CDH4: variants seen among roughly 807,000 people sequenced by gnomAD.
CDH4 encodes cadherin 4, also known as cadherin-4.
CDH4 carries 33 observed loss-of-function variants against 86.0 expected under a neutral mutation model. The ratio of observed to expected loss-of-function variants is 0.38; its 90% confidence interval spans 0.29 to 0.51. CDH4 has a LOEUF of 0.51. CDH4 is among the 20% of genes least tolerant of loss of function. The pLI is 0.86. For synonymous variants in CDH4, 555 were observed against 549.4 expected (o/e 1.01, Z -0.14); for missense variants, 1,114 against 1,307.4 (o/e 0.85, Z 2.28).
chr20:61,779,937 T>C (rs1042470874), intron 4 of CDH4, among the ~76,000 whole-genome samples: 3 of 152,194 alleles, frequency 2.0e-5, no homozygotes, highest in Admixed American at 6.5e-5. Flanking sequence ...AACTTAGCAG[T>C]ATAATTAGCA....
chr20:61,661,274 C>T (rs2087254564), intron 2 of CDH4, among the ~76,000 whole-genome samples: 2 of 152,202 alleles, frequency 1.3e-5, no homozygotes. Flanking sequence ...ACCAGGCCAC[C>T]TCTGCAGGGC....
intron 2 of CDH4, among the ~76,000 whole-genome samples, chr20:61,662,821 C>T (rs2087275185): frequency 6.6e-6 from 1 of 152,188 alleles, no homozygotes; most frequent in Non-Finnish European, 1.5e-5. Flanking sequence ...CCCAGGGAGG[C>T]TCACACAGTG....
intron 2 of CDH4, among the ~76,000 whole-genome samples, chr20:61,667,947 C>T (rs1421761801): frequency 1.3e-5 from 2 of 152,204 alleles, no homozygotes; most frequent in African/African-American, 4.8e-5. Flanking sequence ...GTCAGGAGGG[C>T]AGCCAGGGAG....
At chr20:61,723,548 C>T (rs967214245) in intron 2 of CDH4, among the ~76,000 whole-genome samples, 1 of 152,222 alleles carries the variant, frequency 6.6e-6, no homozygotes, top group African/African-American at 2.4e-5. Flanking sequence ...AGCTTCCATC[C>T]TCACTTTACA....
intron 2 of CDH4, among the ~76,000 whole-genome samples, chr20:61,381,205 G>A (rs6061581): frequency 0.25 from 37,438 of 152,026 alleles, 4,998 homozygotes; most frequent in African/African-American, 0.34. Context: ...AAGCTGTCAA[G>A]TGTCCTGCCT....
At chr20:61,308,601 G>A (rs2084429536) in intron 2 of CDH4, among the ~76,000 whole-genome samples, 1 of 152,204 alleles carries the variant, frequency 6.6e-6, no homozygotes, top group African/African-American at 2.4e-5. Flanking sequence ...GCCTGGGAGT[G>A]ATGGGAAATG....
intron 7 of CDH4, among the ~76,000 whole-genome samples, chr20:61,886,361 A>G (rs909799924): frequency 3.0e-4 from 45 of 152,240 alleles, no homozygotes; most frequent in African/African-American, 1.1e-3. Context: ...CTGTTCTGCA[A>G]AATTTACATG....
chr20:61,759,147 G>A (rs372470269), intron 3 of CDH4, among the ~76,000 whole-genome samples: 1 of 152,214 alleles, frequency 6.6e-6, no homozygotes, highest in African/African-American at 2.4e-5. Flanking sequence ...CCCAAGCAGA[G>A]TTGTGAGGGG....
chr20:61,326,508 A>G (rs2084537802), intron 2 of CDH4, among the ~76,000 whole-genome samples: 5 of 152,370 alleles, frequency 3.3e-5, no homozygotes, highest in Admixed American at 2.6e-4. Flanking sequence ...GTCACAGCAT[A>G]TGAAGTAGAT....
At chr20:61,436,590 CT>C (rs2085283891) in intron 2 of CDH4, 1 of 152,512 alleles carries the variant, frequency 6.6e-6, no homozygotes, top group African/African-American at 2.4e-5. Flanking sequence ...CAGGGGTCTC[CT>C]TCCAGCACAT....
At chr20:61,514,973 G>A (rs1377109799) in intron 2 of CDH4, among the ~76,000 whole-genome samples, 2 of 152,196 alleles carry the variant, frequency 1.3e-5, no homozygotes, top group Non-Finnish European at 2.9e-5. Flanking sequence ...ATTGGGGCGG[G>A]GGCGGGTGGC....
intron 2 of CDH4, among the ~76,000 whole-genome samples, chr20:61,691,289 ATGTG>A (rs1017480401): frequency 1.6e-4 from 24 of 151,672 alleles, no homozygotes; most frequent in African/African-American, 5.3e-4. Flanking sequence ...GCGTGTGCAT[ATGTG>A]TGTGTATGTA....
At chr20:61,696,174 C>G (rs1161589822) in intron 2 of CDH4, among the ~76,000 whole-genome samples, 2 of 152,248 alleles carry the variant, frequency 1.3e-5, no homozygotes, top group Non-Finnish European at 2.9e-5. Context: ...CCACACATGC[C>G]TTGGTCTACC....
At chr20:61,886,319 T>A (rs1248844175) in intron 7 of CDH4, among the ~76,000 whole-genome samples, 3 of 152,346 alleles carry the variant, frequency 2.0e-5, no homozygotes, top group Non-Finnish European at 2.9e-5. Context: ...GATGCCTTTC[T>A]AGGGCAGGCT....
At chr20:61,346,076 C>T (rs776109872) in intron 2 of CDH4, among the ~76,000 whole-genome samples, 2 of 152,192 alleles carry the variant, frequency 1.3e-5, no homozygotes, top group South Asian at 2.1e-4. Context: ...AATTAACCCA[C>T]GCGGGATAAA....
rs1159115683 is a variant in CDH4 at position 61,879,103 on chromosome 20, A to C, written c.1050+5203A>C. ...TCCAGGACCACCGTTGCCAGGCATT[A>C]GTAAACCCACGCAGGCGGCCACTGA... On this transcript the variant is annotated intron_variant, in intron 7 of 15. Transcript: ENST00000614565. The surrounding 1 kb of genome is among the most constrained non-coding windows in gnomAD (Gnocchi z 4.1). Among the ~76,000 whole-genome samples, 1 of 152,258 alleles carries C rather than the reference A, an allele frequency of 6.6e-6. No homozygotes were observed. The highest frequency in any genetic ancestry group is 1.5e-5 in the Non-Finnish European group (1 of 68,046).
chr20:61,461,188 A>AT (rs571338181), intron 2 of CDH4, among the ~76,000 whole-genome samples: 5,252 of 151,890 alleles, frequency 0.035, 117 homozygotes, highest in Non-Finnish European at 0.044. Flanking sequence ...CTAGGAAGCC[A>AT]TTTTTTTTTA....
intron 6 of CDH4, among the ~76,000 whole-genome samples, chr20:61,867,861 G>A (rs1045124951): frequency 1.3e-5 from 2 of 152,190 alleles, no homozygotes; most frequent in South Asian, 2.1e-4. Context: ...GGTGGCCCAC[G>A]AGGCGCGATG....
rs531677440 is a variant in CDH4 at position 61,269,156 on chromosome 20, G to A, written c.169+14219G>A. On this transcript the variant is annotated intron_variant, in intron 2 of 15. Transcript: ENST00000614565. This position sits in a 1 kb window ranked among gnomAD's most constrained non-coding sequence, Gnocchi z 5.3. ...CCATGCCGGGTGCTGCACCGTACCA[G>A]CTGGGTTCATCTGCATGACCACCCT... Among the ~76,000 whole-genome samples the A allele has an allele frequency of 8.5e-5, 13 of 152,180 alleles. No homozygotes were observed. Among genetic ancestry groups the A allele is most frequent in the African/African-American group, 3.1e-4 (13 of 41,440 alleles).
Sources: gnomAD v4.1 joint callset for allele counts (sites outside exome capture counted in the v4.1 genomes callset) on GRCh38, gnomAD v4.1.1 for gene constraint, Gnocchi (gnomAD v3.1) non-coding constraint, MANE v1.5 for transcripts, NCBI Gene and HGNC (gene_info 2026-07-23, HGNC 2026-07-21) for gene names.